The following SGCD variants were observed in gnomAD, a reference collection of about 807,000 sequenced individuals.
SGCD encodes sarcoglycan delta.
Under a neutral mutation model 36.6 loss-of-function variants are expected in SGCD, and 18 were observed. The ratio of observed to expected loss-of-function variants is 0.49; its 90% confidence interval spans 0.34 to 0.73. The LOEUF (loss-of-function observed/expected upper bound fraction) is 0.73, where lower values mean the gene tolerates loss of function less well. SGCD is among the 30% of genes least tolerant of loss of function. The pLI, the probability that SGCD is intolerant of heterozygous loss-of-function variation, is 0.01. For synonymous variants in SGCD, 133 were observed against 130.6 expected (o/e 1.02, Z -0.12); for missense variants, 387 against 346.7 (o/e 1.12, Z -0.92).
upstream of SGCD, among the ~76,000 whole-genome samples, chr5:155,867,461 T>C (rs1342264063): frequency 1.3e-5 from 2 of 152,136 alleles, no homozygotes; most frequent in Non-Finnish European, 1.5e-5. Context: ...GGTGAACTGG[T>C]GGTGATGTCA....
At chr5:155,835,949 C>T in the SGCD span, among the ~76,000 whole-genome samples, 12 of 152,136 alleles carry the variant, frequency 7.9e-5, no homozygotes, top group Non-Finnish European at 1.8e-4. Context: ...CCTACCCACC[C>T]TTTACTGTCT....
intron 3 of SGCD, among the ~76,000 whole-genome samples, chr5:156,415,072 A>G (rs988313324): frequency 6.6e-6 from 1 of 152,208 alleles, no homozygotes; most frequent in African/African-American, 2.4e-5. Flanking sequence ...TATAGTTACC[A>G]TCAGTGGTGG....
At chr5:156,008,803 C>A (rs1758802571) in intron 1 of SGCD, among the ~76,000 whole-genome samples, 1 of 152,152 alleles carries the variant, frequency 6.6e-6, no homozygotes, top group Non-Finnish European at 1.5e-5. Flanking sequence ...TTCTGAGGTA[C>A]TGGAAATTAG....
rs561840761 is a variant in SGCD, at chr5:156,486,339, C to G, written c.193-22262C>G. 1.2e-4 allele frequency among the ~76,000 whole-genome samples: 18 copies of G among 152,150 alleles called. No individual in the cohort carries two copies. In the South Asian group the frequency reaches 2.9e-3, roughly 25 times the overall value. Reference sequence around the variant, plus strand: ...AAGGCTGCCCCTGAGACAAAGGAGACTGAAGTGGGCACTTCCAAAAACATC... The same window carrying G: ...AAGGCTGCCCCTGAGACAAAGGAGAGTGAAGTGGGCACTTCCAAAAACATC... On this transcript the variant is annotated intron_variant, in intron 3 of 8. Transcript: ENST00000337851.
At chr5:156,364,966 G>C (rs760600103) in intron 3 of SGCD, among the ~76,000 whole-genome samples, 1 of 152,182 alleles carries the variant, frequency 6.6e-6, no homozygotes, top group Non-Finnish European at 1.5e-5. Flanking sequence ...TGGTAAAACG[G>C]AGAGTTGCAA....
intron 4 of SGCD, among the ~76,000 whole-genome samples, chr5:156,582,777 A>ACACACAGACG (rs1462197841): frequency 6.6e-6 from 1 of 152,226 alleles, no homozygotes; most frequent in East Asian, 1.9e-4. Context: ...TCCTTTGGAC[A>ACACACAGACG]CACACAGACG....
intron 4 of SGCD, among the ~76,000 whole-genome samples, chr5:156,516,832 A>G (rs1217452346): frequency 6.6e-6 from 1 of 152,164 alleles, no homozygotes; most frequent in African/African-American, 2.4e-5. Flanking sequence ...CCCTGCCTCT[A>G]CTAAAAGTAC....
At chr5:156,464,752 C>T (rs1049099220) in intron 3 of SGCD, among the ~76,000 whole-genome samples, 6 of 152,096 alleles carry the variant, frequency 3.9e-5, no homozygotes, top group African/African-American at 1.4e-4. Flanking sequence ...ATGGCTTGCA[C>T]AATACACCAC....
chr5:156,403,486 C>G (rs891145028), intron 3 of SGCD, among the ~76,000 whole-genome samples: 1 of 152,106 alleles, frequency 6.6e-6, no homozygotes, highest in African/African-American at 2.4e-5. Flanking sequence ...TTCTGACTCG[C>G]CGAGATGATT....
chr5:156,553,472 A>G (rs1758878579), intron 4 of SGCD, among the ~76,000 whole-genome samples: 1 of 152,162 alleles, frequency 6.6e-6, no homozygotes, highest in Non-Finnish European at 1.5e-5. Flanking sequence ...TATAATTCAT[A>G]TAACATAAAA....
intron 7 of SGCD, among the ~76,000 whole-genome samples, chr5:156,723,402 A>T (rs1755609419): frequency 6.6e-6 from 1 of 152,226 alleles, no homozygotes; most frequent in South Asian, 2.1e-4. Context: ...TTATAGACTT[A>T]AACGTTGCCA....
chr5:156,120,980 A>C (rs1001218154), intron 2 of SGCD, among the ~76,000 whole-genome samples: 1 of 152,142 alleles, frequency 6.6e-6, no homozygotes, highest in African/African-American at 2.4e-5. Context: ...ACGAGAAAGC[A>C]GACAATAAAT....
intron 3 of SGCD, among the ~76,000 whole-genome samples, chr5:156,181,102 G>C (rs1763595568): frequency 6.6e-6 from 1 of 152,154 alleles, no homozygotes; most frequent in Non-Finnish European, 1.5e-5. Flanking sequence ...AGGGAAGTGA[G>C]GAAAGGACAG....
intron 7 of SGCD, among the ~76,000 whole-genome samples, chr5:156,653,221 C>G (rs1323455338): frequency 6.6e-6 from 1 of 151,888 alleles, no homozygotes; most frequent in Admixed American, 6.6e-5. Context: ...ATCCATCTGG[C>G]CTGGGGCTTT....
intron 7 of SGCD, among the ~76,000 whole-genome samples, chr5:156,727,169 G>A (rs997580087): frequency 3.3e-5 from 5 of 152,190 alleles, no homozygotes; most frequent in East Asian, 1.9e-4. Context: ...AGCAGGGTGA[G>A]GGTCAATGGA....
chr5:155,817,801 G>C, the SGCD span, among the ~76,000 whole-genome samples: 1 of 152,062 alleles, frequency 6.6e-6, no homozygotes. Context: ...GCAGGTAGGG[G>C]GTCCACTTTC....
chr5:156,546,810 AT>A (rs1247901300), intron 4 of SGCD, among the ~76,000 whole-genome samples: 1 of 152,220 alleles, frequency 6.6e-6, no homozygotes, highest in African/African-American at 2.4e-5. Flanking sequence ...GGCAGCTATC[AT>A]AAGTATTTAA....
intron 3 of SGCD, among the ~76,000 whole-genome samples, chr5:156,370,993 T>C (rs1368482243): frequency 1.3e-5 from 2 of 152,144 alleles, no homozygotes; most frequent in South Asian, 2.1e-4. Context: ...AAAAAAACAG[T>C]GATGTTTTTC....
At chr5:156,022,841 T>C (rs549059775) in intron 1 of SGCD, among the ~76,000 whole-genome samples, 260 of 152,322 alleles carry the variant, frequency 1.7e-3, no homozygotes, top group African/African-American at 5.8e-3. Context: ...TTTTCTTTCA[T>C]TGTTATATGA....
Sources: gnomAD v4.1 joint callset for allele counts (sites outside exome capture counted in the v4.1 genomes callset) on GRCh38, gnomAD v4.1.1 for gene constraint, MANE v1.5 for transcripts, NCBI Gene and HGNC (gene_info 2026-07-23, HGNC 2026-07-21) for gene names.